SH3BP5: variants seen among roughly 807,000 people sequenced by gnomAD.
The protein encoded by SH3BP5 is SH3 domain binding protein 5.
In SH3BP5, 22 loss-of-function variants were observed where a neutral mutation model predicts 43.3. The observed-to-expected ratio is 0.51, with a 90% CI of 0.36 to 0.73. The LOEUF (loss-of-function observed/expected upper bound fraction) is 0.73, where lower values mean the gene tolerates loss of function less well. Among genes scored for constraint, SH3BP5 ranks in the 30% least tolerant of loss-of-function variants. The pLI is 0.00. For missense variants in SH3BP5, 529 were observed against 586.9 expected (o/e 0.90, Z 1.02); for synonymous variants, 255 against 225.8 (o/e 1.13, Z -1.16).
At chr3:15,287,139 T>C (rs1296409419) in intron 3 of SH3BP5, among the ~76,000 whole-genome samples, 3 of 152,160 alleles carry the variant, frequency 2.0e-5, no homozygotes, top group African/African-American at 7.2e-5. Context: ...AAGGAATAAG[T>C]GAGTTAATAC....
rs995003836 is a variant in SH3BP5 at position 15,254,437 on chromosome 3, C to G, written c.*1649G>C. On this transcript the variant is annotated 3_prime_UTR_variant, in exon 9 of 9. Transcript: ENST00000383791. Reference sequence around the variant, plus strand: ...CATTTCCACAAAAGAAAGAATCCATCTGATTCTCAACTCTGAATGCACATT... The same window carrying G: ...CATTTCCACAAAAGAAAGAATCCATGTGATTCTCAACTCTGAATGCACATT... The G allele has an allele frequency of 6.6e-6, 1 of 152,210 alleles. No homozygotes were observed. The highest frequency in any genetic ancestry group is 6.5e-5 in the Admixed American group (1 of 15,282). The allele number at this position is 152,210 out of a possible 1,614,324, so 9.4% of individuals were successfully genotyped here.
At chr3:15,335,217 A>G (rs1435355586), upstream of SH3BP5, among the ~76,000 whole-genome samples, 1 of 152,086 alleles carries the variant, frequency 6.6e-6, no homozygotes. Context: ...CAACATGGTA[A>G]AAATACAAAA....
intron 2 of SH3BP5, among the ~76,000 whole-genome samples, chr3:15,304,976 G>A (rs145216633): frequency 4.6e-5 from 7 of 151,582 alleles, no homozygotes; most frequent in African/African-American, 7.3e-5. Flanking sequence ...AAATTAGCCG[G>A]GCATAGTGGG....
intron 3 of SH3BP5, among the ~76,000 whole-genome samples, chr3:15,298,060 T>C: frequency 6.6e-6 from 1 of 151,694 alleles, no homozygotes; most frequent in Non-Finnish European, 1.5e-5. Context: ...CACTGCACTC[T>C]GGAACTCCTG....
At chr3:15,285,207 G>A (rs770113766) in intron 3 of SH3BP5, among the ~76,000 whole-genome samples, 27 of 152,166 alleles carry the variant, frequency 1.8e-4, no homozygotes, top group African/African-American at 3.4e-4. Flanking sequence ...ATGATCAATC[G>A]TTATTCATGC....
At chr3:15,300,155 T>C (rs983178576) in intron 3 of SH3BP5, among the ~76,000 whole-genome samples, 5 of 152,112 alleles carry the variant, frequency 3.3e-5, no homozygotes, top group African/African-American at 4.8e-5. Context: ...TTGAAAAAAA[T>C]ATGGGATATA....
intron 2 of SH3BP5, among the ~76,000 whole-genome samples, chr3:15,314,124 T>C (rs973194498): frequency 6.6e-6 from 1 of 151,648 alleles, no homozygotes; most frequent in African/African-American, 2.4e-5. Context: ...CTTAATTAAC[T>C]TAGTGATTTT....
intron 2 of SH3BP5, among the ~76,000 whole-genome samples, chr3:15,316,137 ACTTTGT>A (rs1698177978): frequency 6.6e-6 from 1 of 151,194 alleles, no homozygotes; most frequent in East Asian, 1.9e-4. Flanking sequence ...TTCACCTGGA[ACTTTGT>A]CTTTGTCTTT....
At chr3:15,270,171 G>A (rs867622469) in intron 3 of SH3BP5, among the ~76,000 whole-genome samples, 13 of 152,202 alleles carry the variant, frequency 8.5e-5, no homozygotes, top group Non-Finnish European at 1.6e-4. Context: ...TCGTGGGACA[G>A]GTACAGCCAA....
rs1696331346 is a variant in SH3BP5 at position 15,259,046 on chromosome 3, A to G, written c.674T>C (p.Leu225Pro). 1 of 1,613,812 alleles carries G rather than the reference A, an allele frequency of 6.2e-7. No individual in the cohort carries two copies. The highest frequency in any genetic ancestry group is 8.5e-7 in the Non-Finnish European group (1 of 1,179,834). ...CTGCAGGTCATCCACAGTCTTTTTCAGTTGCTGATCAAGAGAACAGGAGAC... is the reference window on the plus strand; with the variant it reads ...CTGCAGGTCATCCACAGTCTTTTTCGGTTGCTGATCAAGAGAACAGGAGAC... ...KAKYYVQLEQ[L>P]KKTVDDLQAK... The change falls in exon 7 of 9, where the codon CTG (leucine) becomes CCG (proline). Residue 225 changes from leucine to proline, a missense_variant. Leu to Pro is a moderately conservative substitution (Grantham distance 98). Coordinates refer to ENST00000383791, the MANE Select transcript of SH3BP5 (RefSeq NM_004844.5).
chr3:15,277,213 C>T (rs1696997166), intron 3 of SH3BP5, among the ~76,000 whole-genome samples: 1 of 152,060 alleles, frequency 6.6e-6, no homozygotes, highest in Non-Finnish European at 1.5e-5. Context: ...CTTAGGTGAT[C>T]CGCCTGCCTC....
Position 15,256,155 on chromosome 3 carries a change from C to T in SH3BP5, c.1299G>A (p.Gln433=). The T allele has an allele frequency of 1.9e-6, 3 of 1,614,204 alleles. No individual in the cohort carries two copies. Among genetic ancestry groups the T allele is most frequent in the Non-Finnish European group, 2.5e-6 (3 of 1,180,034 alleles). The change falls in exon 9 of 9, where the codon CAG becomes CAA. Residue 433 remains glutamine, a synonymous_variant. Coordinates refer to ENST00000383791, the MANE Select transcript of SH3BP5 (RefSeq NM_004844.5). ...EGQALENRMK[Q]LSLQCSKGRD... ...TTCCCTTTGAGCACTGTAGGGAGAG[C>T]TGCTTCATCCGGTTCTCCAAGGCCT...
chr3:15,315,183 A>G (rs2729680), intron 2 of SH3BP5, among the ~76,000 whole-genome samples: 123,917 of 148,846 alleles, frequency 0.83, 50,906 homozygotes, highest in African/African-American at 0.9. Context: ...TGGGACCACA[A>G]GCATCCACCA....
chr3:15,305,000 C>T (rs181484977), intron 2 of SH3BP5, among the ~76,000 whole-genome samples: 48 of 151,590 alleles, frequency 3.2e-4, no homozygotes, highest in African/African-American at 1.1e-3. Context: ...CACCTGTAAT[C>T]CCAGCTACTC....
intron 3 of SH3BP5, among the ~76,000 whole-genome samples, chr3:15,294,023 A>C (rs1056767955): frequency 2.1e-4 from 32 of 149,054 alleles, no homozygotes; most frequent in African/African-American, 7.5e-4. Flanking sequence ...GGTTGCAGTG[A>C]GCCGAGATTA....
At chr3:15,338,578 G>T (rs1358291111) in intron 1 of SH3BP5, among the ~76,000 whole-genome samples, 1 of 152,174 alleles carries the variant, frequency 6.6e-6, no homozygotes, top group African/African-American at 2.4e-5. Flanking sequence ...GGTATGTGCT[G>T]CCTGGCTGAC....
intron 2 of SH3BP5, among the ~76,000 whole-genome samples, chr3:15,320,536 G>T (rs1410058946): frequency 6.6e-6 from 1 of 151,310 alleles, no homozygotes; most frequent in Non-Finnish European, 1.5e-5. Context: ...AAAGAGAAGG[G>T]CTGGGCAAAG....
At chr3:15,320,210 G>A (rs1698286345) in intron 2 of SH3BP5, among the ~76,000 whole-genome samples, 1 of 151,714 alleles carries the variant, frequency 6.6e-6, no homozygotes, top group Non-Finnish European at 1.5e-5. Flanking sequence ...TATTAAGAGG[G>A]CTGGGCTGCA....
At chr3:15,305,823 G>A (rs1479889178) in intron 2 of SH3BP5, among the ~76,000 whole-genome samples, 1 of 152,052 alleles carries the variant, frequency 6.6e-6, no homozygotes, top group Non-Finnish European at 1.5e-5. Context: ...ATAGGAGTTA[G>A]GAAGGCAAAG....
Sources: gnomAD v4.1 joint callset for allele counts (sites outside exome capture counted in the v4.1 genomes callset) on GRCh38, gnomAD v4.1.1 for gene constraint, MANE v1.5 for transcripts, NCBI Gene and HGNC (gene_info 2026-07-23, HGNC 2026-07-21) for gene names.